The following WDR17 variants were observed in gnomAD, a reference collection of about 807,000 sequenced individuals.
WDR17 encodes the protein WD repeat-containing protein 17.
WDR17 carries 143 observed loss-of-function variants against 161.7 expected under a neutral mutation model. That is an observed-to-expected ratio of 0.88 (90% CI 0.77 to 1.02). WDR17 has a LOEUF of 1.02. Among genes scored for constraint, WDR17 ranks in the 50% least tolerant of loss-of-function variants. The pLI, the probability that WDR17 is intolerant of heterozygous loss-of-function variation, is 0.00. For synonymous variants in WDR17, 517 were observed against 515.6 expected (o/e 1.00, Z -0.04); for missense variants, 1,469 against 1,520.9 (o/e 0.97, Z 0.57).
intron 2 of WDR17, among the ~76,000 whole-genome samples, chr4:176,112,973 T>C (rs1250947053): frequency 2.0e-5 from 3 of 152,166 alleles, no homozygotes; most frequent in African/African-American, 7.2e-5. Flanking sequence ...AGCATTAATG[T>C]ATAAAACAAT....
chr4:176,142,745 T>A lies in WDR17; in HGVS notation c.1529+676T>A, dbSNP rs371251325. Among the ~76,000 whole-genome samples, 5 of 152,232 alleles carry A rather than the reference T, an allele frequency of 3.3e-5. No individual in the cohort carries two copies. In the East Asian group the frequency reaches 5.8e-4, roughly 18 times the overall value. On this transcript the variant is annotated intron_variant, in intron 11 of 28. Coordinates refer to ENST00000508596, the MANE Select transcript of WDR17 (RefSeq NM_181265.4). ...ACAATGTGAATTATGTTATTTTGTA[T>A]GAAATGTGGGAAATATAGAGTAAGG...
At chr4:176,130,302 A>G (rs1010333577) in intron 6 of WDR17, among the ~76,000 whole-genome samples, 1 of 141,112 alleles carries the variant, frequency 7.1e-6, no homozygotes, top group Non-Finnish European at 1.6e-5. Flanking sequence ...ATATCAACGA[A>G]ATTTAGTGAA....
chr4:176,080,603 C>G (rs902231040), intron 1 of WDR17, among the ~76,000 whole-genome samples: 2 of 151,994 alleles, frequency 1.3e-5, no homozygotes, highest in Non-Finnish European at 2.9e-5. Context: ...AAATGAGGAC[C>G]GATCATTGAC....
intron 1 of WDR17, among the ~76,000 whole-genome samples, chr4:176,084,664 A>G (rs1213807469): frequency 6.6e-6 from 1 of 150,728 alleles, no homozygotes; most frequent in East Asian, 1.9e-4. Context: ...TGTTATCGTT[A>G]GTTTTCTTTT....
At chr4:176,067,035 GTAGATTTATGC>G (rs1411634756) in intron 1 of WDR17, among the ~76,000 whole-genome samples, 1 of 152,170 alleles carries the variant, frequency 6.6e-6, no homozygotes, top group Non-Finnish European at 1.5e-5. Context: ...TAATTTATTT[GTAGATTTATGC>G]CTTATCATTA....
intron 20 of WDR17, among the ~76,000 whole-genome samples, chr4:176,161,548 C>T (rs944164881): frequency 1.3e-5 from 2 of 151,864 alleles, no homozygotes; most frequent in African/African-American, 4.8e-5. Context: ...TCTATTTGCT[C>T]CTATTATTAA....
intron 17 of WDR17, among the ~76,000 whole-genome samples, chr4:176,153,729 T>C (rs1284199650): frequency 6.6e-6 from 1 of 152,322 alleles, no homozygotes. Context: ...GCAATATGGT[T>C]ACATTAAAAT....
In WDR17 at chr4:176,125,132, A is replaced by G; in HGVS notation, c.567A>G (p.Arg189=). 1.2e-6 allele frequency: 2 copies of G among 1,614,144 alleles called. No homozygotes were observed. Among genetic ancestry groups the G allele is most frequent in the Non-Finnish European group, 1.7e-6 (2 of 1,179,996 alleles). ...PGNKNQKHVL[R]PESLEGTDEE... ...ATAAAAATCAGAAACATGTTTTGAG[A>G]CCAGAATCTCTTGAAGGGACAGATG... Residue 189 remains arginine, a synonymous_variant, in exon 5 of 29, where the codon AGA becomes AGG. Coordinates refer to ENST00000508596, the MANE Select transcript of WDR17 (RefSeq NM_181265.4).
At chr4:176,099,669 G>A (rs1333932576) in intron 1 of WDR17, among the ~76,000 whole-genome samples, 1 of 152,032 alleles carries the variant, frequency 6.6e-6, no homozygotes, top group Non-Finnish European at 1.5e-5. Flanking sequence ...TCAAATCAGG[G>A]CTTTTAGGGT....
chr4:176,069,086 A>C (rs1247312698), intron 1 of WDR17, among the ~76,000 whole-genome samples: 1 of 152,142 alleles, frequency 6.6e-6, no homozygotes, highest in Non-Finnish European at 1.5e-5. Context: ...GGCAGAGTTC[A>C]GGTTGTTTTC....
intron 5 of WDR17, among the ~76,000 whole-genome samples, chr4:176,126,794 T>G (rs1242294017): frequency 2.6e-5 from 4 of 152,120 alleles, no homozygotes; most frequent in African/African-American, 9.7e-5. Context: ...GGGCCACAGT[T>G]TACCCTATGC....
chr4:176,145,733 C>A (rs758214747), intron 11 of WDR17, among the ~76,000 whole-genome samples: 1 of 152,060 alleles, frequency 6.6e-6, no homozygotes, highest in Non-Finnish European at 1.5e-5. Flanking sequence ...ATAGAAATAC[C>A]ATTACCTCTG....
intron 1 of WDR17, among the ~76,000 whole-genome samples, chr4:176,071,662 A>T (rs34172781): frequency 0.52 from 79,474 of 152,010 alleles, 22,188 homozygotes; most frequent in South Asian, 0.63. Context: ...AATGGTCACA[A>T]TGAAAGTATA....
chr4:176,160,155 T>A, intron 19 of WDR17, 29 bp downstream of exon 19: 1 of 1,610,702 alleles, frequency 6.2e-7, no homozygotes, highest in Non-Finnish European at 8.5e-7. Context: ...CCCAGTCACA[T>A]ACATGAATGC....
intron 10 of WDR17, 83 bp from the exon 11 acceptor site, chr4:176,141,900 G>T: frequency 8.9e-7 from 1 of 1,119,440 alleles, no homozygotes; most frequent in Non-Finnish European, 1.3e-6. Context: ...ATTTCTATTT[G>T]AAATTTACAA....
intron 12 of WDR17, 63 bp downstream of exon 12, chr4:176,146,222 A>G: frequency 6.5e-7 from 1 of 1,531,268 alleles, no homozygotes; most frequent in South Asian, 1.2e-5. Context: ...TTTCCTAGAA[A>G]TGTACATATT....
At chr4:176,165,383 A>T (rs1749634504) in intron 22 of WDR17, among the ~76,000 whole-genome samples, 1 of 151,912 alleles carries the variant, frequency 6.6e-6, no homozygotes, top group South Asian at 2.1e-4. Context: ...GAAAAAAAAA[A>T]TTTGGCAGCA....
At chr4:176,174,788 T>C in intron 26 of WDR17, 70 bp downstream of exon 26, 1 of 915,724 alleles carries the variant, frequency 1.1e-6, no homozygotes, top group Non-Finnish European at 1.7e-6. Context: ...AGTCTCTAAG[T>C]GGATTATACA....
chr4:176,105,874 G>A (rs12640342), intron 1 of WDR17, among the ~76,000 whole-genome samples: 62,384 of 151,460 alleles, frequency 0.41, 13,050 homozygotes, highest in African/African-American at 0.45. Flanking sequence ...GATAAATGAA[G>A]TAGAGAATAG....
Sources: allele counts gnomAD v4.1 joint callset (sites outside exome capture counted in the v4.1 genomes callset), GRCh38; gene constraint gnomAD v4.1.1; transcripts MANE v1.5; gene names NCBI Gene and HGNC (gene_info 2026-07-23, HGNC 2026-07-21).